Variants in TUSC3 observed in about 807,000 individuals in gnomAD.
TUSC3 encodes tumor suppressor candidate 3.
Under a neutral mutation model 44.8 loss-of-function variants are expected in TUSC3, and 45 were observed. That is an observed-to-expected ratio of 1.00 (90% confidence interval 0.79 to 1.29). The LOEUF is 1.29. Among genes scored for constraint, TUSC3 ranks in the 50% most tolerant of loss-of-function variants. The pLI is 0.00. For synonymous variants in TUSC3, 212 were observed against 152.9 expected, an observed-to-expected ratio of 1.39 and a Z score of -2.85; for missense variants, 519 against 437.9, an observed-to-expected ratio of 1.19 and a Z score of -1.65.
At chr8:15,610,978 T>C (rs1174483227) in intron 1 of TUSC3, among the ~76,000 whole-genome samples, 3 of 152,172 alleles carry the variant, frequency 2.0e-5, no homozygotes, top group South Asian at 4.1e-4. Context: ...TAATTGAATA[T>C]TGTAGTACCG....
chr8:15,665,952 C>G (rs552221363), intron 5 of TUSC3, among the ~76,000 whole-genome samples: 56 of 151,420 alleles, frequency 3.7e-4, no homozygotes, highest in Middle Eastern at 3.4e-3. Flanking sequence ...TCCCTCACCC[C>G]CTAAACACGG....
chr8:15,625,307 T>G (rs1323310975), intron 2 of TUSC3, among the ~76,000 whole-genome samples: 1 of 152,162 alleles, frequency 6.6e-6, no homozygotes, highest in African/African-American at 2.4e-5. Flanking sequence ...GTTTTTATTG[T>G]TTATAGTGTC....
At chr8:15,559,190 C>G (rs914277259) in intron 1 of TUSC3, among the ~76,000 whole-genome samples, 10 of 142,376 alleles carry the variant, frequency 7.0e-5, no homozygotes, top group Non-Finnish European at 1.4e-4. Flanking sequence ...CCCAGAGATT[C>G]TGGTATGTTG....
rs184778638 is a variant in TUSC3, at chr8:15,646,238, C to T, written c.309-4459C>T. Among the ~76,000 whole-genome samples, 25 of 152,178 alleles carry T rather than the reference C, an allele frequency of 1.6e-4. No individual in the cohort carries two copies. In the East Asian group the frequency reaches 4.4e-3, roughly 27 times the overall value. On this transcript the variant is annotated intron_variant, in intron 2 of 10. Coordinates refer to ENST00000503731, the MANE Select transcript of TUSC3 (RefSeq NM_006765.4). ...CATTCTAAGTGAAGTATTTCATGCACGTGGTTAAGAATGGACATAGTATGT... is the reference window on the plus strand; with the variant it reads ...CATTCTAAGTGAAGTATTTCATGCATGTGGTTAAGAATGGACATAGTATGT...
intron 1 of TUSC3, among the ~76,000 whole-genome samples, chr8:15,593,752 C>T (rs1380534435): frequency 6.6e-6 from 1 of 152,236 alleles, no homozygotes; most frequent in Non-Finnish European, 1.5e-5. Flanking sequence ...TCCCTTTCTA[C>T]ATCCAAGATC....
chr8:15,431,197 TG>T (rs1356625150), intron 1 of TUSC3, among the ~76,000 whole-genome samples: 1 of 151,742 alleles, frequency 6.6e-6, no homozygotes, highest in African/African-American at 2.4e-5. Context: ...ATTTTGGAAT[TG>T]TTTTTTCTAT....
intron 1 of TUSC3, among the ~76,000 whole-genome samples, chr8:15,593,449 A>G (rs1803938296): frequency 6.6e-6 from 1 of 152,150 alleles, no homozygotes; most frequent in African/African-American, 2.4e-5. Flanking sequence ...CTGTGTTTTC[A>G]CCATGATTAG....
At chr8:15,619,612 C>G (rs1410982037) in intron 1 of TUSC3, among the ~76,000 whole-genome samples, 2 of 152,100 alleles carry the variant, frequency 1.3e-5, no homozygotes, top group African/African-American at 4.8e-5. Context: ...CTGCCTCAGC[C>G]TCTGGAGTAG....
rs569333320 is a variant in TUSC3, at chr8:15,554,995, A to G, written c.138+14427A>G. 1.4e-4 allele frequency among the ~76,000 whole-genome samples: 21 copies of G among 151,586 alleles called. No individual in the cohort carries two copies. In the South Asian group the frequency reaches 4.4e-3, roughly 32 times the overall value. On this transcript the variant is annotated intron_variant, in intron 1 of 10. Transcript: ENST00000503731. Reference sequence around the variant, plus strand: ...GCGCTGCTAAATCGTGTGAAGGGCTATTTAAGTTTGGGGTTTTGGCAAGGA... The same window carrying G: ...GCGCTGCTAAATCGTGTGAAGGGCTGTTTAAGTTTGGGGTTTTGGCAAGGA...
At chr8:15,539,984 G>T (rs538836365), upstream of TUSC3, among the ~76,000 whole-genome samples, 142 of 152,282 alleles carry the variant, frequency 9.3e-4, no homozygotes, top group Non-Finnish European at 7.4e-5. Flanking sequence ...ATTCCCCAAA[G>T]CTTCCCCTTC....
chr8:15,585,016 A>C (rs1803537789), intron 1 of TUSC3, among the ~76,000 whole-genome samples: 1 of 152,206 alleles, frequency 6.6e-6, no homozygotes, highest in South Asian at 2.1e-4. Context: ...ATTAGTGTAG[A>C]AGGAATTTTG....
Position 15,556,008 on chromosome 8 carries a change from A to ATT in TUSC3, c.138+15449_138+15450dup, listed in dbSNP as rs957934710. 1.5e-3 allele frequency among the ~76,000 whole-genome samples: 226 copies of ATT among 148,478 alleles called. 1 individual carries two copies. Among genetic ancestry groups the ATT allele is most frequent in the African/African-American group, 5.4e-3 (220 of 40,766 alleles). On this transcript the variant is annotated intron_variant, in intron 1 of 10. Coordinates refer to ENST00000503731, the MANE Select transcript of TUSC3 (RefSeq NM_006765.4). ...TTTATTTTTTATTTTTTTATTTTTTATTTTTTTTTTATTATACTTTAAGTT... is the reference window on the plus strand; with the variant it reads ...TTTATTTTTTATTTTTTTATTTTTTATTTTTTTTTTTTATTATACTTTAAGTT...
chr8:15,670,395 C>T (rs76328774), intron 5 of TUSC3, among the ~76,000 whole-genome samples: 5 of 151,818 alleles, frequency 3.3e-5, no homozygotes, highest in Admixed American at 1.3e-4. Context: ...CATACTCACA[C>T]TTATAAAATC....
At chr8:15,800,968 T>A in the TUSC3 span, among the ~76,000 whole-genome samples, 3 of 152,178 alleles carry the variant, frequency 2.0e-5, no homozygotes, top group South Asian at 6.2e-4. Context: ...TCTTATTACA[T>A]GCCTGCACTA....
the TUSC3 span, among the ~76,000 whole-genome samples, chr8:15,843,693 T>A: frequency 2.0e-5 from 3 of 151,646 alleles, no homozygotes; most frequent in African/African-American, 4.8e-5. Context: ...ATGGTGTATA[T>A]CTATATCTAA....
chr8:15,434,827 T>C (rs952823506), intron 1 of TUSC3, among the ~76,000 whole-genome samples: 11 of 152,072 alleles, frequency 7.2e-5, no homozygotes, highest in Non-Finnish European at 1.3e-4. Context: ...AGAATAATGG[T>C]TTCCAACTTC....
At chr8:15,636,690 C>A (rs1393559648) in intron 2 of TUSC3, among the ~76,000 whole-genome samples, 3 of 152,168 alleles carry the variant, frequency 2.0e-5, no homozygotes, top group Non-Finnish European at 4.4e-5. Flanking sequence ...CAGCCTGTTG[C>A]ATTGTTTCCT....
chr8:15,773,227 A>C, the TUSC3 span, among the ~76,000 whole-genome samples: 9 of 152,340 alleles, frequency 5.9e-5, no homozygotes, highest in African/African-American at 2.2e-4. Context: ...TACATAAAGT[A>C]AAACGAAGAA....
At chr8:15,681,448 GT>G (rs1050261090) in intron 6 of TUSC3, among the ~76,000 whole-genome samples, 4 of 151,750 alleles carry the variant, frequency 2.6e-5, no homozygotes, top group Admixed American at 2.6e-4. Flanking sequence ...AGATTTTCTA[GT>G]TTTTGTGCAA....
Sources: gnomAD v4.1 joint callset for allele counts (sites outside exome capture counted in the v4.1 genomes callset) on GRCh38, gnomAD v4.1.1 for gene constraint, MANE v1.5 for transcripts, NCBI Gene and HGNC (gene_info 2026-07-23, HGNC 2026-07-21) for gene names.